Variants in DYNC2H1 observed in about 807,000 individuals in gnomAD.
DYNC2H1 encodes cytoplasmic dynein 2 heavy chain 1.
DYNC2H1 carries 410 observed loss-of-function variants against 570.0 expected under a neutral mutation model. The observed-to-expected ratio is 0.72, with a 90% CI of 0.66 to 0.78. The LOEUF (loss-of-function observed/expected upper bound fraction) is 0.78. Ranked by LOEUF, DYNC2H1 falls within the 30% of genes least tolerant of loss-of-function variation. The pLI, the probability that DYNC2H1 is intolerant of heterozygous loss-of-function variation, is 0.00. For synonymous variants in DYNC2H1, 1,688 were observed against 1,677.6 expected (o/e 1.01, Z -0.15); for missense variants, 4,865 against 5,046.4 (o/e 0.96, Z 1.09).
intron 74 of DYNC2H1, among the ~76,000 whole-genome samples, chr11:103,287,142 TA>T (rs1445628649): frequency 8.8e-5 from 13 of 147,992 alleles, no homozygotes; most frequent in African/African-American, 3.2e-4. Flanking sequence ...ATGCTATTTC[TA>T]TTTTTTTTTT....
At position 103,363,810 on chromosome 11, in the gene DYNC2H1, A is replaced by T. The variant is rs1940769633; in HGVS notation, c.12156+5451A>T. Reference sequence around the variant, plus strand: ...TGCATTCTCTGCTGCTTTATGTTTAAGGGGAGAAAACACTATTATATAAAA... The same window carrying T: ...TGCATTCTCTGCTGCTTTATGTTTATGGGGAGAAAACACTATTATATAAAA... On this transcript the variant is annotated intron_variant, in intron 83 of 88. Coordinates refer to ENST00000375735, the MANE Select transcript of DYNC2H1 (RefSeq NM_001377.3). The surrounding 1 kb of genome is among the most constrained non-coding windows in gnomAD (Gnocchi z 5.6). Among the ~76,000 whole-genome samples, 1 of 152,218 alleles carries T rather than the reference A, an allele frequency of 6.6e-6. No individual in the cohort carries two copies. The highest frequency in any genetic ancestry group is 2.4e-5 in the African/African-American group (1 of 41,448).
intron 79 of DYNC2H1, 40 bp downstream of exon 79, chr11:103,312,073 AT>A: frequency 1.3e-6 from 2 of 1,565,452 alleles, no homozygotes; most frequent in East Asian, 2.3e-5. Context: ...TAAGCTTTAT[AT>A]TTTTGTATGT....
chr11:103,436,547 TC>T (rs80203268), intron 85 of DYNC2H1, among the ~76,000 whole-genome samples: 16 of 102,334 alleles, frequency 1.6e-4, no homozygotes, highest in African/African-American at 4.6e-4. Flanking sequence ...ACTGTCTTCC[TC>T]TGCTTGTTGC....
intron 65 of DYNC2H1, among the ~76,000 whole-genome samples, chr11:103,246,138 T>C (rs892973680): frequency 1.1e-4 from 17 of 152,064 alleles, no homozygotes; most frequent in African/African-American, 3.9e-4. Flanking sequence ...CATTATCCTC[T>C]TAATATATTT....
At chr11:103,306,130 C>T (rs1018733056) in intron 77 of DYNC2H1, among the ~76,000 whole-genome samples, 3 of 152,154 alleles carry the variant, frequency 2.0e-5, no homozygotes, top group African/African-American at 7.2e-5. Flanking sequence ...CCAGGCTGGT[C>T]TCGAACTCCT....
intron 17 of DYNC2H1, among the ~76,000 whole-genome samples, chr11:103,136,446 A>G (rs183949926): frequency 2.7e-5 from 4 of 148,286 alleles, no homozygotes; most frequent in East Asian, 4.0e-4. Context: ...TCATTGTTCA[A>G]TTCCCACCTA....
rs200050995 is a variant in DYNC2H1 at position 103,211,766 on chromosome 11, T to G, written c.8540-23T>G. On this transcript the variant is annotated intron_variant, in intron 53 of 88. Coordinates refer to ENST00000375735, the MANE Select transcript of DYNC2H1 (RefSeq NM_001377.3). The stretch of plus-strand genomic sequence containing the variant: ...ATGAATCATACATATAATAAGTTAT[T>G]TTTATTTTCTATTTTTTTCTAGTTG... 1.5e-3 allele frequency: 1,548 copies of G among 1,048,954 alleles called. 8 individuals carry two copies. In the Middle Eastern group the frequency reaches 0.017, roughly 11 times the overall value. 65.0% of individuals were successfully genotyped at this position (1,048,954 alleles called of 1,614,324 possible). A position where few individuals can be genotyped will look rare whatever the true frequency, so the allele number is the denominator to read the frequency against.
intron 65 of DYNC2H1, among the ~76,000 whole-genome samples, chr11:103,247,847 C>T (rs1187419172): frequency 6.6e-6 from 1 of 151,932 alleles, no homozygotes; most frequent in Non-Finnish European, 1.5e-5. Flanking sequence ...TATAGCATTG[C>T]ATTGGATTTG....
At chr11:103,161,512 A>T (rs1395260074) in intron 29 of DYNC2H1, among the ~76,000 whole-genome samples, 1 of 152,128 alleles carries the variant, frequency 6.6e-6, no homozygotes, top group Admixed American at 6.6e-5. Flanking sequence ...TGCTCCAATA[A>T]GTGTTTCCTT....
At chr11:103,346,034 CAT>C (rs1421832860) in intron 82 of DYNC2H1, among the ~76,000 whole-genome samples, 1 of 152,078 alleles carries the variant, frequency 6.6e-6, no homozygotes, top group Non-Finnish European at 1.5e-5. Flanking sequence ...ATTATTTTTT[CAT>C]AGTTTCAATA....
At position 103,395,651 on chromosome 11, in the gene DYNC2H1, G is replaced by A. The variant is rs1354839053; in HGVS notation, c.12157-4012G>A. 2.6e-5 allele frequency among the ~76,000 whole-genome samples: 4 copies of A among 152,056 alleles called. No homozygotes were observed. The highest frequency in any genetic ancestry group is 5.9e-5 in the Non-Finnish European group (4 of 68,008). On this transcript the variant is annotated intron_variant, in intron 83 of 88. Coordinates refer to ENST00000375735, the MANE Select transcript of DYNC2H1 (RefSeq NM_001377.3). The surrounding 1 kb of genome is among the most constrained non-coding windows in gnomAD (Gnocchi z 4.3). ...AGTTACCTATTTTTCAGAATACCCA[G>A]CAGAATTCTTACCACATTTCATTGT... is the stretch of plus-strand genomic sequence containing the variant.
At chr11:103,240,427 T>G (rs1864382874) in intron 63 of DYNC2H1, among the ~76,000 whole-genome samples, 1 of 152,120 alleles carries the variant, frequency 6.6e-6, no homozygotes, top group African/African-American at 2.4e-5. Flanking sequence ...GCAAGGTAGC[T>G]CTCTAGTATA....
chr11:103,455,122 C>T (rs1591782837), intron 85 of DYNC2H1, 64 bp from the exon 86 acceptor site: 1 of 1,188,728 alleles, frequency 8.4e-7, no homozygotes, highest in Non-Finnish European at 1.2e-6. Context: ...TTGAAAATGA[C>T]TTAAGTCTTT....
At position 103,280,717 on chromosome 11, in the gene DYNC2H1, T is replaced by G. The variant is rs1445755960; in HGVS notation, c.10761+304T>G. Among the ~76,000 whole-genome samples, 1 of 152,038 alleles carries G rather than the reference T, an allele frequency of 6.6e-6. No homozygotes were observed. Among genetic ancestry groups the G allele is most frequent in the South Asian group, 2.1e-4 (1 of 4,828 alleles). ...AGCCTTCTTCTTTTCCCGGCCTAGG[T>G]AGTAGAGCTCATATAGAAAAAGTGA... On this transcript the variant is annotated intron_variant, in intron 71 of 88. Transcript: ENST00000375735. This position sits in a 1 kb window ranked among gnomAD's most constrained non-coding sequence, Gnocchi z 4.7.
chr11:103,208,637 T>G (rs2135112444), intron 52 of DYNC2H1, among the ~76,000 whole-genome samples: 1 of 152,222 alleles, frequency 6.6e-6, no homozygotes, highest in African/African-American at 2.4e-5. Flanking sequence ...ACTTTGAATT[T>G]TATTTAATAA....
rs187363206 is a variant in DYNC2H1, at chr11:103,198,147, G to A, written c.7839+84G>A. Reference sequence around the variant, plus strand: ...TTTATTGTAAATATTTAGAGGGCATGAATATGATAGATTGTAGAATAGGCA... The same window carrying A: ...TTTATTGTAAATATTTAGAGGGCATAAATATGATAGATTGTAGAATAGGCA... On this transcript the variant is annotated intron_variant, in intron 48 of 88. Coordinates refer to ENST00000375735, the MANE Select transcript of DYNC2H1 (RefSeq NM_001377.3). 1.5e-4 allele frequency: 208 copies of A among 1,404,726 alleles called. 2 individuals carry two copies. In the Admixed American group the frequency reaches 4.4e-3, roughly 30 times the overall value. The allele number at this position is 1,404,726 out of a possible 1,614,324, so 87.0% of individuals were successfully genotyped here.
At position 103,120,778 on chromosome 11, in the gene DYNC2H1, A is replaced by G. The variant is rs775878881; in HGVS notation, c.1224A>G (p.Ser408=). 4 of 1,568,188 alleles carry G rather than the reference A, an allele frequency of 2.6e-6. No homozygotes were observed. Among genetic ancestry groups the G allele is most frequent in the South Asian group, 1.2e-5 (1 of 86,660 alleles). Residue 408 remains serine (S), a synonymous_variant, in exon 8 of 89, where the codon TCA becomes TCG. Coordinates refer to ENST00000375735, the MANE Select transcript of DYNC2H1 (RefSeq NM_001377.3). ...CAGGAAAATTGAAAAATTATATTTC[A>G]GAAATTCAAGACAGTCCACAGCAGG... The part of the protein sequence containing the change: ...KIAGKLKNYI[S]EIQDSPQQLL...
intron 70 of DYNC2H1, among the ~76,000 whole-genome samples, chr11:103,265,612 A>G (rs539062239): frequency 1.3e-5 from 2 of 152,244 alleles, no homozygotes; most frequent in South Asian, 4.1e-4. Flanking sequence ...CTGTAGCTCA[A>G]TGATCTTTAT....
intron 60 of DYNC2H1, among the ~76,000 whole-genome samples, chr11:103,231,855 T>C (rs1366775245): frequency 6.6e-6 from 1 of 151,602 alleles, no homozygotes; most frequent in Non-Finnish European, 1.5e-5. Flanking sequence ...AACAATTTTC[T>C]CTCTCTGTGT....
Sources: gnomAD v4.1 joint callset for allele counts (sites outside exome capture counted in the v4.1 genomes callset) on GRCh38, gnomAD v4.1.1 for gene constraint, Gnocchi (gnomAD v3.1) non-coding constraint, MANE v1.5 for transcripts, NCBI Gene and HGNC (gene_info 2026-07-23, HGNC 2026-07-21) for gene names.